The following STXBP5 variants were observed in gnomAD, a reference collection of about 807,000 sequenced individuals.
The protein encoded by STXBP5 is syntaxin binding protein 5.
In STXBP5, 50 loss-of-function variants were observed where a neutral mutation model predicts 152.4. The ratio of observed to expected loss-of-function variants is 0.33; its 90% confidence interval spans 0.26 to 0.42. The LOEUF is 0.42. Ranked by LOEUF, STXBP5 falls within the 10% of genes least tolerant of loss-of-function variation. The pLI, the probability that STXBP5 is intolerant of heterozygous loss-of-function variation, is 1.00. For synonymous variants in STXBP5, 492 were observed against 494.7 expected, an observed-to-expected ratio of 0.99 and a Z score of 0.07; for missense variants, 1,167 against 1,388.6, an observed-to-expected ratio of 0.84 and a Z score of 2.54.
chr6:147,370,079 A>G (rs950607410), intron 25 of STXBP5, among the ~76,000 whole-genome samples: 3 of 152,124 alleles, frequency 2.0e-5, no homozygotes, highest in African/African-American at 7.2e-5. Context: ...AATACAAAGG[A>G]GTAAACGATG....
At chr6:147,237,808 A>G (rs1264295363) in intron 3 of STXBP5, among the ~76,000 whole-genome samples, 1 of 152,136 alleles carries the variant, frequency 6.6e-6, no homozygotes, top group Non-Finnish European at 1.5e-5. Context: ...CTTATTTTGA[A>G]AGGGGGAGAC....
At chr6:147,290,560 G>T (rs1163419737) in intron 8 of STXBP5, among the ~76,000 whole-genome samples, 1 of 152,094 alleles carries the variant, frequency 6.6e-6, no homozygotes, top group African/African-American at 2.4e-5. Context: ...AAAATAATTA[G>T]AATTCTTTGG....
chr6:147,290,877 A>T (rs1258072169), intron 8 of STXBP5, among the ~76,000 whole-genome samples: 1 of 152,200 alleles, frequency 6.6e-6, no homozygotes, highest in South Asian at 2.1e-4. Flanking sequence ...TTACTAAGTT[A>T]TTAATTATAT....
At position 147,262,277 on chromosome 6, in the gene STXBP5, T is replaced by G. The variant is rs1192394221; in HGVS notation, c.567-13T>G. The G allele has an allele frequency of 2.0e-6, 3 of 1,530,080 alleles. No individual in the cohort carries two copies. Among genetic ancestry groups the G allele is most frequent in the Non-Finnish European group, 2.6e-6 (3 of 1,140,112 alleles). 94.8% of individuals were successfully genotyped at this position (1,530,080 alleles called of 1,614,324 possible). A position where few individuals can be genotyped will look rare whatever the true frequency, so the allele number is the denominator to read the frequency against. ...AACTGAAGAGAAAATCTTACTAACTTTTTCTTTTTTAGGTCATCTAAATCT... is the reference window on the plus strand; with the variant it reads ...AACTGAAGAGAAAATCTTACTAACTGTTTCTTTTTTAGGTCATCTAAATCT... On this transcript the variant is annotated splice_polypyrimidine_tract_variant and intron_variant, in intron 5 of 27. Transcript: ENST00000321680.
At chr6:147,255,521 T>TGTC in intron 4 of STXBP5, among the ~76,000 whole-genome samples, 1 of 152,058 alleles carries the variant, frequency 6.6e-6, no homozygotes, top group Admixed American at 6.6e-5. Flanking sequence ...TTGTTGTTGT[T>TGTC]GTTGTTGTTT....
Position 147,325,104 on chromosome 6 carries a change from T to G in STXBP5, c.1928+20T>G, listed in dbSNP as rs763894154. On this transcript the variant is annotated intron_variant, in intron 17 of 27. Transcript: ENST00000321680. ...TGGACTGTAAGTATAAGTTACGTTT[T>G]TTTCTAAGTCTCTTCATAGTATTCC... The G allele has an allele frequency of 4.1e-6, 6 of 1,480,928 alleles. No individual in the cohort carries two copies. Among genetic ancestry groups the G allele is most frequent in the Non-Finnish European group, 4.5e-6 (5 of 1,106,880 alleles). The allele number at this position is 1,480,928 out of a possible 1,614,324, so 91.7% of individuals were successfully genotyped here.
intron 2 of STXBP5, among the ~76,000 whole-genome samples, chr6:147,216,146 C>A (rs1289769739): frequency 6.6e-6 from 1 of 152,116 alleles, no homozygotes; most frequent in African/African-American, 2.4e-5. Flanking sequence ...AATCCCAGCG[C>A]TTTGGGAGGC....
At chr6:147,219,921 T>C (rs1351674526) in intron 2 of STXBP5, among the ~76,000 whole-genome samples, 1 of 151,484 alleles carries the variant, frequency 6.6e-6, no homozygotes, top group Non-Finnish European at 1.5e-5. Flanking sequence ...TTTCTTCTGT[T>C]TACTTTGGGT....
chr6:147,352,025 A>C, intron 21 of STXBP5: 1 of 215,354 alleles, frequency 4.6e-6, no homozygotes. Flanking sequence ...CCACTAACAT[A>C]ATAGATATAG....
At chr6:147,372,806 AG>A (rs1785624770) in intron 25 of STXBP5, among the ~76,000 whole-genome samples, 1 of 151,960 alleles carries the variant, frequency 6.6e-6, no homozygotes, top group Non-Finnish European at 1.5e-5. Flanking sequence ...ACATGTCAGC[AG>A]TCTTTTCTCC....
intron 11 of STXBP5, among the ~76,000 whole-genome samples, chr6:147,311,906 T>C (rs1782398665): frequency 6.6e-6 from 1 of 152,188 alleles, no homozygotes. Flanking sequence ...TACGTGCTTT[T>C]GCCAGATTCG....
chr6:147,259,826 A>G (rs1239923727), intron 4 of STXBP5, among the ~76,000 whole-genome samples: 3 of 152,166 alleles, frequency 2.0e-5, no homozygotes, highest in Non-Finnish European at 4.4e-5. Context: ...GGACAAGAGA[A>G]AAAAACAGGA....
intron 4 of STXBP5, among the ~76,000 whole-genome samples, chr6:147,251,166 C>T (rs1438759894): frequency 1.3e-5 from 2 of 152,068 alleles, no homozygotes; most frequent in East Asian, 1.9e-4. Flanking sequence ...GGCGTTGCCT[C>T]ACCCGGAAGC....
At chr6:147,333,259 C>A (rs1783668167) in intron 18 of STXBP5, among the ~76,000 whole-genome samples, 1 of 152,080 alleles carries the variant, frequency 6.6e-6, no homozygotes, top group Non-Finnish European at 1.5e-5. Context: ...TGGTGGCTCA[C>A]ACCTGTAATC....
intron 7 of STXBP5, among the ~76,000 whole-genome samples, chr6:147,270,268 A>G (rs140156178): frequency 0.047 from 7,133 of 151,696 alleles, 475 homozygotes; most frequent in East Asian, 0.28. Context: ...GCGTGGTGGC[A>G]GGCGCCTGTA....
chr6:147,271,903 A>G (rs974382912), intron 7 of STXBP5, among the ~76,000 whole-genome samples: 9 of 152,152 alleles, frequency 5.9e-5, no homozygotes, highest in Admixed American at 6.5e-5. Context: ...AAAAAGACGC[A>G]GATTACCCAT....
chr6:147,363,779 G>A (rs1785172318), intron 24 of STXBP5, 75 bp downstream of exon 24: 2 of 1,515,906 alleles, frequency 1.3e-6, no homozygotes, highest in African/African-American at 1.4e-5. Flanking sequence ...TTGTTTAAAA[G>A]AAATGCTTTT....
chr6:147,223,750 A>T (rs372334096), intron 2 of STXBP5, among the ~76,000 whole-genome samples: 1 of 152,308 alleles, frequency 6.6e-6, no homozygotes, highest in East Asian at 1.9e-4. Flanking sequence ...TTGTTTTTTA[A>T]ATCTTTGTGG....
chr6:147,349,484 A>C (rs148243924), intron 21 of STXBP5, among the ~76,000 whole-genome samples: 1 of 152,322 alleles, frequency 6.6e-6, no homozygotes, highest in African/African-American at 2.4e-5. Flanking sequence ...TGTGTATGTA[A>C]GTTTTACATC....
Sources: allele counts gnomAD v4.1 joint callset (sites outside exome capture counted in the v4.1 genomes callset), GRCh38; gene constraint gnomAD v4.1.1; transcripts MANE v1.5; gene names NCBI Gene and HGNC (gene_info 2026-07-23, HGNC 2026-07-21).